The following KCNQ1 variants were observed in gnomAD, a reference collection of about 807,000 sequenced individuals.
KCNQ1 encodes the protein potassium voltage-gated channel subfamily KQT member 1.
Under a neutral mutation model 72.4 loss-of-function variants are expected in KCNQ1, and 49 were observed. That is an observed-to-expected ratio of 0.68 (90% CI 0.54 to 0.86). The LOEUF (loss-of-function observed/expected upper bound fraction) is 0.86. Ranked by LOEUF, KCNQ1 falls within the 40% of genes least tolerant of loss-of-function variation. The probability of loss-of-function intolerance (pLI) is 0.00; values close to 1 mark genes in which losing one functional copy is unlikely to be tolerated. For synonymous variants in KCNQ1, 450 were observed against 412.6 expected (o/e 1.09, Z -1.10); for missense variants, 790 against 945.1 (o/e 0.84, Z 2.15).
Position 2,462,964 on chromosome 11 carries a change from TG to T in KCNQ1, c.386+17483del, listed in dbSNP as rs1846299525. Among the ~76,000 whole-genome samples the T allele has an allele frequency of 6.6e-6, 1 of 151,876 alleles. No individual in the cohort carries two copies. On this transcript the variant is annotated intron_variant, in intron 1 of 15. Transcript: ENST00000155840. The surrounding 1 kb of genome is among the most constrained non-coding windows in gnomAD (Gnocchi z 8.2). ...GTCTTGGGGGAAGGCTGTGGGCCCT[TG>T]GGTGGAAGAGTCTTGGGTGAGGCCC...
intron 15 of KCNQ1, among the ~76,000 whole-genome samples, chr11:2,806,124 G>A (rs1847368245): frequency 6.6e-6 from 1 of 152,194 alleles, no homozygotes; most frequent in Non-Finnish European, 1.5e-5. Context: ...GTGGGAGGTG[G>A]TGCCCAAAAC....
rs1846120436 is a variant in KCNQ1 at position 2,451,635 on chromosome 11, T to G, written c.386+6151T>G. Among the ~76,000 whole-genome samples, 1 of 151,808 alleles carries G rather than the reference T, an allele frequency of 6.6e-6. No homozygotes were observed. The highest frequency in any genetic ancestry group is 6.6e-5 in the Admixed American group (1 of 15,250). ...GACTCTCAGGATGAGCCGCCTGGAG[T>G]CTGTTGGCATCTGCCTGGCCGCCTC... On this transcript the variant is annotated intron_variant, in intron 1 of 15. Transcript: ENST00000155840. The surrounding 1 kb of genome is among the most constrained non-coding windows in gnomAD (Gnocchi z 6.4).
rs985300173 is a variant in KCNQ1 at position 2,544,230 on chromosome 11, A to G, written c.477+16212A>G. Reference sequence around the variant, plus strand: ...ATCAATGAGATTATCTATCTCATATATATATATGTGTGTGTGTGTATATAT... The same window carrying G: ...ATCAATGAGATTATCTATCTCATATGTATATATGTGTGTGTGTGTATATAT... On this transcript the variant is annotated intron_variant, in intron 2 of 15. Coordinates refer to ENST00000155840, the MANE Select transcript of KCNQ1 (RefSeq NM_000218.3). This position sits in a 1 kb window ranked among gnomAD's most constrained non-coding sequence, Gnocchi z 4.4. 6.8e-6 allele frequency among the ~76,000 whole-genome samples: 1 copy of G among 147,578 alleles called. No homozygotes were observed. The highest frequency in any genetic ancestry group is 1.5e-5 in the Non-Finnish European group (1 of 67,602).
At chr11:2,460,215 C>T (rs1846255068) in intron 1 of KCNQ1, among the ~76,000 whole-genome samples, 1 of 152,202 alleles carries the variant, frequency 6.6e-6, no homozygotes, top group Non-Finnish European at 1.5e-5. Flanking sequence ...AGGGTGAGTC[C>T]CTGCGTGACC....
intron 1 of KCNQ1, among the ~76,000 whole-genome samples, chr11:2,510,742 G>T (rs1478656150): frequency 6.6e-6 from 1 of 152,202 alleles, no homozygotes; most frequent in Admixed American, 6.5e-5. Flanking sequence ...TCTCTGGTTA[G>T]CAGCAGATTC....
At chr11:2,542,549 A>G (rs1364121242) in intron 2 of KCNQ1, among the ~76,000 whole-genome samples, 2 of 152,240 alleles carry the variant, frequency 1.3e-5, no homozygotes, top group African/African-American at 2.4e-5. Context: ...GACCATCACC[A>G]CAATTGAGAC....
rs1011704057 is a variant in KCNQ1, at chr11:2,809,673, C to T, written c.1794+31636C>T. On this transcript the variant is annotated intron_variant, in intron 15 of 15. Transcript: ENST00000155840. The surrounding 1 kb of genome is among the most constrained non-coding windows in gnomAD (Gnocchi z 7.1). ...GGCCCCACGGCTCATGCCTGCTTCCCTGCTATCCTCCTGTGCACTGTTGGC... is the reference window on the plus strand; with the variant it reads ...GGCCCCACGGCTCATGCCTGCTTCCTTGCTATCCTCCTGTGCACTGTTGGC... 6.6e-6 allele frequency among the ~76,000 whole-genome samples: 1 copy of T among 152,188 alleles called. No individual in the cohort carries two copies. The highest frequency in any genetic ancestry group is 6.5e-5 in the Admixed American group (1 of 15,282).
At chr11:2,777,931 C>T in intron 14 of KCNQ1, 45 bp from the exon 15 acceptor site, 5 of 1,592,132 alleles carry the variant, frequency 3.1e-6, no homozygotes, top group Non-Finnish European at 4.3e-6. Flanking sequence ...GGTCCCCGGC[C>T]CACCCCAGCA....
intron 1 of KCNQ1, among the ~76,000 whole-genome samples, chr11:2,459,402 T>G (rs1846242004): frequency 6.6e-6 from 1 of 152,136 alleles, no homozygotes; most frequent in African/African-American, 2.4e-5. Context: ...CAACCCCATG[T>G]AGTTCCTCAC....
chr11:2,551,612 T>A (rs1847984843), intron 2 of KCNQ1, among the ~76,000 whole-genome samples: 1 of 152,240 alleles, frequency 6.6e-6, no homozygotes, highest in Non-Finnish European at 1.5e-5. Flanking sequence ...CTGGGGTAAA[T>A]CCCTGGGAGT....
At chr11:2,708,197 G>T (rs1000939535) in intron 11 of KCNQ1, among the ~76,000 whole-genome samples, 5 of 152,240 alleles carry the variant, frequency 3.3e-5, no homozygotes, top group Non-Finnish European at 7.3e-5. Context: ...TCAGTAGGGA[G>T]AGAGCTCCTG....
chr11:2,457,033 CA>C lies in KCNQ1; in HGVS notation c.386+11552del, dbSNP rs1206596761. Among the ~76,000 whole-genome samples the C allele has an allele frequency of 1.3e-5, 2 of 151,580 alleles. No homozygotes were observed. Among genetic ancestry groups the C allele is most frequent in the African/African-American group, 4.9e-5 (2 of 41,230 alleles). The stretch of plus-strand genomic sequence containing the variant: ...CTTAAAAAGAAGACATACAAACAGT[CA>C]AACACATGAAAAAATGCTCATCACT... On this transcript the variant is annotated intron_variant, in intron 1 of 15. Coordinates refer to ENST00000155840, the MANE Select transcript of KCNQ1 (RefSeq NM_000218.3). This position sits in a 1 kb window ranked among gnomAD's most constrained non-coding sequence, Gnocchi z 5.0.
chr11:2,797,898 T>C (rs1847171029), intron 15 of KCNQ1, among the ~76,000 whole-genome samples: 1 of 152,210 alleles, frequency 6.6e-6, no homozygotes, highest in Non-Finnish European at 1.5e-5. Context: ...CCCTGCGTAC[T>C]GTGCCAGCCT....
chr11:2,616,044 G>A, intron 10 of KCNQ1: 1 of 397,850 alleles, frequency 2.5e-6, no homozygotes. Flanking sequence ...ACTTGTTATG[G>A]GTCTGCTCAT....
rs1849255646 is a variant in KCNQ1, at chr11:2,626,011, A to G, written c.1394-35950A>G. 5.0e-6 allele frequency: 2 copies of G among 398,486 alleles called. No individual in the cohort carries two copies. The highest frequency in any genetic ancestry group is 8.8e-5 in the Admixed American group (2 of 22,710). The allele number at this position is 398,486 out of a possible 1,614,324, so 24.7% of individuals were successfully genotyped here. A position where few individuals can be genotyped will look rare whatever the true frequency, so the allele number is the denominator to read the frequency against. ...TAGGTTGTCTTATTGCTTAGTTGAT[A>G]TTATTTTAATGCACACAATGTAAAT... On this transcript the variant is annotated intron_variant, in intron 10 of 15. Coordinates refer to ENST00000155840, the MANE Select transcript of KCNQ1 (RefSeq NM_000218.3). The surrounding 1 kb of genome is among the most constrained non-coding windows in gnomAD (Gnocchi z 4.0).
intron 11 of KCNQ1, among the ~76,000 whole-genome samples, chr11:2,714,176 G>A (rs1253504476): frequency 6.6e-6 from 1 of 152,238 alleles, no homozygotes; most frequent in Non-Finnish European, 1.5e-5. Flanking sequence ...GAGGTCCTGC[G>A]TCTCCATCTC....
rs1042077211 is a variant in KCNQ1, at chr11:2,704,093, T to G, written c.1514+42012T>G. 3.3e-5 allele frequency among the ~76,000 whole-genome samples: 5 copies of G among 152,196 alleles called. No homozygotes were observed. The highest frequency in any genetic ancestry group is 3.3e-4 in the Admixed American group (5 of 15,284). ...AGTCTGTGGCCCCTCCTCGGTCCCC[T>G]TCAGTGAGGCTTTTTGCATGCATTG... On this transcript the variant is annotated intron_variant, in intron 11 of 15. Coordinates refer to ENST00000155840, the MANE Select transcript of KCNQ1 (RefSeq NM_000218.3). This position sits in a 1 kb window ranked among gnomAD's most constrained non-coding sequence, Gnocchi z 4.3.
At chr11:2,709,703 G>C (rs546448926) in intron 11 of KCNQ1, among the ~76,000 whole-genome samples, 2 of 152,216 alleles carry the variant, frequency 1.3e-5, no homozygotes, top group African/African-American at 4.8e-5. Flanking sequence ...GGGTTTGCCT[G>C]TTCTGAACAT....
rs1348529386 is a variant in KCNQ1, at chr11:2,657,100, T to C, written c.1394-4861T>C. 5.0e-6 allele frequency: 2 copies of C among 398,506 alleles called. No individual in the cohort carries two copies. Among genetic ancestry groups the C allele is most frequent in the Non-Finnish European group, 8.8e-6 (2 of 226,074 alleles). The allele number at this position is 398,506 out of a possible 1,614,324, so 24.7% of individuals were successfully genotyped here. On this transcript the variant is annotated intron_variant, in intron 10 of 15. Transcript: ENST00000155840. The surrounding 1 kb of genome is among the most constrained non-coding windows in gnomAD (Gnocchi z 4.8). ...GCCTATTTGTCTCTCCCTGTGTCAA[T>C]ACCACATTGCCCTAATGACCACTGC... is the stretch of plus-strand genomic sequence containing the variant.
Sources: allele counts gnomAD v4.1 joint callset (sites outside exome capture counted in the v4.1 genomes callset), GRCh38; gene constraint gnomAD v4.1.1; non-coding constraint Gnocchi (gnomAD v3.1); transcripts MANE v1.5; gene names NCBI Gene and HGNC (gene_info 2026-07-23, HGNC 2026-07-21).